The following RRM2 variants were observed in gnomAD, a reference collection of about 807,000 sequenced individuals.
RRM2 encodes ribonucleoside-diphosphate reductase subunit M2.
A neutral mutation model predicts 45.9 loss-of-function variants in RRM2; 6 were observed. That is an observed-to-expected ratio of 0.13 (90% CI 0.07 to 0.26). The LOEUF is 0.26. RRM2 is among the 10% of genes least tolerant of loss of function. RRM2 has a pLI of 1.00. For missense variants in RRM2, 343 were observed against 489.5 expected, an observed-to-expected ratio of 0.70 and a Z score of 2.82; for synonymous variants, 177 against 173.0, an observed-to-expected ratio of 1.02 and a Z score of -0.18.
intron 3 of RRM2, among the ~76,000 whole-genome samples, chr2:10,206,241 G>A (rs1198577188): frequency 4.3e-5 from 5 of 116,736 alleles, no homozygotes; most frequent in Admixed American, 2.0e-4. Context: ...GCAAGACTCC[G>A]TCTCAAAAAA....
At chr2:10,144,558 C>T (rs1169365092) in intron 3 of RRM2, among the ~76,000 whole-genome samples, 1 of 152,196 alleles carries the variant, frequency 6.6e-6, no homozygotes, top group Non-Finnish European at 1.5e-5. Flanking sequence ...TGTGACCTCA[C>T]GATTCTGGCC....
At chr2:10,142,595 G>A (rs768764672) in intron 3 of RRM2, among the ~76,000 whole-genome samples, 1 of 151,934 alleles carries the variant, frequency 6.6e-6, no homozygotes. Flanking sequence ...CAGACAGCAC[G>A]GTCCTGCGAT....
intron 3 of RRM2, among the ~76,000 whole-genome samples, chr2:10,173,027 C>T (rs1663835111): frequency 6.6e-6 from 1 of 152,194 alleles, no homozygotes; most frequent in African/African-American, 2.4e-5. Flanking sequence ...CTTCTTCTCA[C>T]AGCACTCGGC....
chr2:10,156,992 G>A (rs1390104701), intron 3 of RRM2, among the ~76,000 whole-genome samples: 1 of 150,012 alleles, frequency 6.7e-6, no homozygotes. Flanking sequence ...TTGGAGGAAG[G>A]GAGTTTCTGA....
rs769865986 is a variant in RRM2 at position 10,126,859 on chromosome 2, C to T, written c.570-16C>T. On this transcript the variant is annotated splice_polypyrimidine_tract_variant and intron_variant, in intron 5 of 9. Transcript: ENST00000304567. Reference sequence around the variant, plus strand: ...ACTGTAATGCTTCAATTGCTGATACCGTATGTGCCTACTAGGGAATTTCTC... The same window carrying T: ...ACTGTAATGCTTCAATTGCTGATACTGTATGTGCCTACTAGGGAATTTCTC... 1.0e-5 allele frequency: 16 copies of T among 1,600,028 alleles called. No individual in the cohort carries two copies. Among genetic ancestry groups the T allele is most frequent in the Admixed American group, 6.8e-5 (4 of 59,100 alleles).
rs1351287850 is a variant in RRM2, at chr2:10,177,691, CT to C, written n.483-32618del. Among the ~76,000 whole-genome samples the C allele has an allele frequency of 3.8e-3, 569 of 150,556 alleles. 3 individuals carry two copies. The highest frequency in any genetic ancestry group is 0.013 in the African/African-American group (537 of 40,348). ...CCTTCCTTCCTTCCTTCCTTCCTTC[CT>C]TCCTTCCTTCCTTCCTCTCTCCCTC... On this transcript the variant is annotated intron_variant and non_coding_transcript_variant, in intron 3 of 3. Coordinates refer to the RRM2 transcript ENST00000381786.
chr2:10,166,164 G>A (rs923033011), intron 3 of RRM2, among the ~76,000 whole-genome samples: 1 of 152,214 alleles, frequency 6.6e-6, no homozygotes, highest in East Asian at 1.9e-4. Context: ...CCTTGAAGAC[G>A]ACAGGCCCCA....
At position 10,123,048 on chromosome 2, in the gene RRM2, C is replaced by T. The variant is rs969427490; in HGVS notation, c.165C>T (p.Pro55=). 5.1e-6 allele frequency: 8 copies of T among 1,563,170 alleles called. No individual in the cohort carries two copies. The highest frequency in any genetic ancestry group is 6.9e-6 in the Non-Finnish European group (8 of 1,161,900). The change falls in exon 2 of 10, where the codon CCC becomes CCT. Residue 55 remains proline, a synonymous_variant. Transcript: ENST00000304567. ...SKTARRIFQE[P]TEPKTKAAAP... is the part of the protein sequence containing the mutation. ...CCGCGAGGAGGATCTTCCAGGAGCC[C>T]ACGGAGCCGGTGAGTGGCGGGCGTG...
At chr2:10,198,893 G>A (rs1664473684) in intron 3 of RRM2, 1 of 152,138 alleles carries the variant, frequency 6.6e-6, no homozygotes, top group Admixed American at 6.6e-5. Flanking sequence ...GGGTTGGAAT[G>A]TTTCTGATTG....
exon 3 of RRM2, chr2:10,142,264 A>G: frequency 6.9e-7 from 1 of 1,456,640 alleles, no homozygotes; most frequent in South Asian, 1.1e-5. Context: ...GGGGATGAGA[A>G]GCTCGGGAAG....
chr2:10,157,853 G>T (rs1420476823), intron 3 of RRM2, among the ~76,000 whole-genome samples: 1 of 152,192 alleles, frequency 6.6e-6, no homozygotes, highest in Non-Finnish European at 1.5e-5. Context: ...TTGTAAAGGG[G>T]CAGGTGACGT....
At chr2:10,210,350 G>A (rs2125336704) in exon 4 of RRM2, 1 of 1,367,708 alleles carries the variant, frequency 7.3e-7, no homozygotes, top group East Asian at 4.5e-5. Context: ...TGCAGAGTCT[G>A]GAGAAGCCCA....
At chr2:10,173,264 C>G (rs1663840590) in intron 3 of RRM2, among the ~76,000 whole-genome samples, 1 of 152,196 alleles carries the variant, frequency 6.6e-6, no homozygotes, top group South Asian at 2.1e-4. Context: ...ATTATTCTTT[C>G]TCTTCTCTCT....
chr2:10,134,646 C>T (rs551426908), downstream of RRM2, among the ~76,000 whole-genome samples: 75 of 152,244 alleles, frequency 4.9e-4, 1 homozygote, highest in South Asian at 6.4e-3. Context: ...GGAAAAAACA[C>T]GGTATGGTGA....
intron 3 of RRM2, among the ~76,000 whole-genome samples, chr2:10,173,277 G>T (rs890500314): frequency 6.6e-5 from 10 of 152,126 alleles, no homozygotes; most frequent in Admixed American, 5.9e-4. Context: ...TTCTCTCTTT[G>T]CCGTCTTATT....
chr2:10,183,626 G>A (rs1485291524), intron 3 of RRM2, among the ~76,000 whole-genome samples: 1 of 152,238 alleles, frequency 6.6e-6, no homozygotes, highest in Non-Finnish European at 1.5e-5. Flanking sequence ...AAGGTGGGCA[G>A]ATCACTTGAG....
Position 10,129,473 on chromosome 2 carries a change from C to G in RRM2, c.*87C>G, listed in dbSNP as rs2125308245. On this transcript the variant is annotated 3_prime_UTR_variant, in exon 10 of 10. Coordinates refer to ENST00000304567, the MANE Select transcript of RRM2 (RefSeq NM_001034.4). This position sits in a 1 kb window ranked among gnomAD's most constrained non-coding sequence, Gnocchi z 4.8. ...GCTGAAGTGTTACCAACTAGCCACA[C>G]CATGAATTGTCCGTAATGTTCATTA... The G allele has an allele frequency of 3.0e-6, 4 of 1,322,150 alleles. No individual in the cohort carries two copies. The highest frequency in any genetic ancestry group is 4.6e-5 in the East Asian group (2 of 43,468). The allele number at this position is 1,322,150 out of a possible 1,614,324, so 81.9% of individuals were successfully genotyped here. A position where few individuals can be genotyped will look rare whatever the true frequency, so the allele number is the denominator to read the frequency against.
intron 3 of RRM2, among the ~76,000 whole-genome samples, chr2:10,190,766 A>ATGTTGGCG (rs1664285908): frequency 6.0e-5 from 4 of 66,154 alleles, no homozygotes; most frequent in African/African-American, 2.5e-4. Flanking sequence ...TGATGGTGGT[A>ATGTTGGCG]ATGATGGTGG....
Position 10,129,421 on chromosome 2 carries a change from T to C in RRM2, c.*35T>C, listed in dbSNP as rs5030757. ...AGATGTGCCCTTACTTGGCTGATTT[T>C]TTTTTTCCATCTCATAAGAAAAATC... On this transcript the variant is annotated 3_prime_UTR_variant, in exon 10 of 10. Coordinates refer to ENST00000304567, the MANE Select transcript of RRM2 (RefSeq NM_001034.4). The surrounding 1 kb of genome is among the most constrained non-coding windows in gnomAD (Gnocchi z 4.8). 5 of 1,572,286 alleles carry C rather than the reference T, an allele frequency of 3.2e-6. No individual in the cohort carries two copies. The highest frequency in any genetic ancestry group is 4.5e-5 in the East Asian group (2 of 44,552).
Sources: allele counts gnomAD v4.1 joint callset (sites outside exome capture counted in the v4.1 genomes callset), GRCh38; gene constraint gnomAD v4.1.1; non-coding constraint Gnocchi (gnomAD v3.1); transcripts MANE v1.5; gene names NCBI Gene and HGNC (gene_info 2026-07-23, HGNC 2026-07-21).